The following IQGAP3 variants were observed in gnomAD, a reference collection of about 807,000 sequenced individuals.
IQGAP3 encodes ras GTPase-activating-like protein IQGAP3.
Under a neutral mutation model 208.2 loss-of-function variants are expected in IQGAP3, and 165 were observed. The ratio of observed to expected loss-of-function variants is 0.79; its 90% confidence interval spans 0.70 to 0.90. IQGAP3 has a LOEUF of 0.90. Among genes scored for constraint, IQGAP3 ranks in the 40% least tolerant of loss-of-function variants. The pLI is 0.00. For synonymous variants in IQGAP3, 703 were observed against 803.6 expected, an observed-to-expected ratio of 0.87 and a Z score of 2.12; for missense variants, 1,811 against 2,043.1, an observed-to-expected ratio of 0.89 and a Z score of 2.19.
At chr1:156,562,983 T>C (rs1676227821) in intron 8 of IQGAP3, 151 bp downstream of exon 8, 1 of 731,642 alleles carries the variant, frequency 1.4e-6, no homozygotes, top group Non-Finnish European at 2.3e-6. Flanking sequence ...TCCAAGTTCC[T>C]TTCCTATTTC....
At chr1:156,555,998 C>T (rs948139149) in intron 12 of IQGAP3, among the ~76,000 whole-genome samples, 2 of 152,184 alleles carry the variant, frequency 1.3e-5, no homozygotes, top group East Asian at 1.9e-4. Flanking sequence ...GAAGACTTCC[C>T]GGCTCTGCTT....
chr1:156,548,742 A>G lies in IQGAP3; in HGVS notation c.1832T>C (p.Leu611Pro). The change falls in exon 17 of 38, where the codon CTT becomes CCT. Residue 611 changes from leucine (L) to proline (P), a missense_variant. Physicochemically the swap from Leu to Pro is moderately conservative, Grantham distance 98. Coordinates refer to ENST00000361170, the MANE Select transcript of IQGAP3 (RefSeq NM_178229.5). ...GGCTTGATTGATGGCAGCCACACCA[A>G]GAGCCACTGACAGGGGCATCAGGAG... Reference protein sequence around the residue: ...QDTNTAQRMALGVAAINQAIK... With the variant: ...QDTNTAQRMAPGVAAINQAIK... The G allele has an allele frequency of 6.4e-7, 1 of 1,570,640 alleles. No homozygotes were observed.
At chr1:156,532,201 A>G (rs1674442086) in intron 32 of IQGAP3, among the ~76,000 whole-genome samples, 1 of 151,932 alleles carries the variant, frequency 6.6e-6, no homozygotes, top group African/African-American at 2.4e-5. Flanking sequence ...AGGCTGGCCA[A>G]CATGGTGAAA....
At position 156,537,258 on chromosome 1, in the gene IQGAP3, C is replaced by T. The variant is rs764444179; in HGVS notation, c.3345G>A (p.Leu1115=). 6.2e-7 allele frequency: 1 copy of T among 1,614,020 alleles called. No individual in the cohort carries two copies. Among genetic ancestry groups the T allele is most frequent in the Non-Finnish European group, 8.5e-7 (1 of 1,179,968 alleles). The change falls in exon 27 of 38, where the codon CTG becomes CTA. Residue 1115 remains leucine, a synonymous_variant. Coordinates refer to ENST00000361170, the MANE Select transcript of IQGAP3 (RefSeq NM_178229.5). ...CGAGGAGGTTGCGTAGGGCGATGTCCAGTCGTCTCTGGACCTCGGGGTGGC... is the reference window on the plus strand; with the variant it reads ...CGAGGAGGTTGCGTAGGGCGATGTCTAGTCGTCTCTGGACCTCGGGGTGGC... ...ALSHPEVQRR[L]DIALRNLLAM... is the part of the protein sequence containing the mutation.
Position 156,526,475 on chromosome 1 carries a change from C to T in IQGAP3, c.*11G>A, listed in dbSNP as rs1674064116. On this transcript the variant is annotated 3_prime_UTR_variant, in exon 38 of 38. Transcript: ENST00000361170. ...AGGTAAGAGGGGCTTGGGTAGCACC[C>T]TTTGCCTCTGTCACTTCCGCAAAAA... 3.2e-6 allele frequency: 5 copies of T among 1,564,216 alleles called. No individual in the cohort carries two copies. The South Asian group carries it at 5.6e-5, about 17-fold the overall frequency.
intron 22 of IQGAP3, 148 bp downstream of exon 22, chr1:156,543,833 A>T: frequency 1.4e-6 from 1 of 707,576 alleles, no homozygotes; most frequent in Non-Finnish European, 2.5e-6. Context: ...GGCTTTTGTT[A>T]CAACTCCTGT....
intron 30 of IQGAP3, 60 bp downstream of exon 30, chr1:156,533,949 A>G (rs1674548695): frequency 6.2e-7 from 1 of 1,608,448 alleles, no homozygotes; most frequent in Non-Finnish European, 8.5e-7. Context: ...CCACTACCCC[A>G]TCACAGGCTA....
Position 156,561,918 on chromosome 1 carries a change from G to C in IQGAP3, c.961C>G (p.Leu321Val). Residue 321 changes from leucine to valine, a missense_variant, in exon 10 of 38, where the codon CTG (leucine) becomes GTG (valine). Coordinates refer to ENST00000361170, the MANE Select transcript of IQGAP3 (RefSeq NM_178229.5). ...ALLKALQDPA[L>V]ALRGVRRDFA... Reference sequence around the variant, plus strand: ...TCTCTCCTCACCCCTCGCAGGGCCAGGGCAGGGTCTTGAAGGGCCTTGAGC... The same window carrying C: ...TCTCTCCTCACCCCTCGCAGGGCCACGGCAGGGTCTTGAAGGGCCTTGAGC... The C allele has an allele frequency of 6.2e-7, 1 of 1,614,066 alleles. No homozygotes were observed. The highest frequency in any genetic ancestry group is 8.5e-7 in the Non-Finnish European group (1 of 1,179,990).
At chr1:156,532,847 C>G (rs1185966357) in intron 32 of IQGAP3, 133 bp downstream of exon 32, 3 of 888,904 alleles carry the variant, frequency 3.4e-6, no homozygotes, top group Non-Finnish European at 5.1e-6. Flanking sequence ...TAAAGGTAGG[C>G]TTCAGGGAGA....
At chr1:156,536,191 C>T (rs1439752097) in intron 27 of IQGAP3, among the ~76,000 whole-genome samples, 1 of 152,076 alleles carries the variant, frequency 6.6e-6, no homozygotes, top group Non-Finnish European at 1.5e-5. Flanking sequence ...TGGGTTCCCC[C>T]TTTCAACATC....
chr1:156,570,390 A>G (rs1676596374), intron 1 of IQGAP3, among the ~76,000 whole-genome samples: 1 of 151,976 alleles, frequency 6.6e-6, no homozygotes, highest in Non-Finnish European at 1.5e-5. Flanking sequence ...AAAATACACA[A>G]ATTAGCCTGG....
At chr1:156,570,081 T>A (rs1676580467) in intron 1 of IQGAP3, among the ~76,000 whole-genome samples, 1 of 152,204 alleles carries the variant, frequency 6.6e-6, no homozygotes, top group Non-Finnish European at 1.5e-5. Context: ...TTCTTATCCC[T>A]AATTAGACTG....
intron 37 of IQGAP3, among the ~76,000 whole-genome samples, chr1:156,527,047 G>C (rs1432032737): frequency 4.0e-5 from 6 of 151,114 alleles, no homozygotes; most frequent in Non-Finnish European, 8.9e-5. Flanking sequence ...TGGCCAGGCT[G>C]GTCTTGAACT....
At chr1:156,540,155 A>T (rs1478571892) in intron 23 of IQGAP3, among the ~76,000 whole-genome samples, 165 bp from the exon 24 acceptor site, 1 of 152,042 alleles carries the variant, frequency 6.6e-6, no homozygotes, top group Non-Finnish European at 1.5e-5. Context: ...GGGCCCCTCC[A>T]AGTGCCCTGA....
At chr1:156,552,630 ACTC>A (rs1365830509) in intron 13 of IQGAP3, among the ~76,000 whole-genome samples, 1 of 151,918 alleles carries the variant, frequency 6.6e-6, no homozygotes, top group Non-Finnish European at 1.5e-5. Context: ...CCAAAATCTG[ACTC>A]CTTTTTCCCA....
rs1293959879 is a variant in IQGAP3 at position 156,551,956 on chromosome 1, G to C, written c.1570+18C>G. 1.1e-5 allele frequency: 18 copies of C among 1,611,564 alleles called. No homozygotes were observed. Among genetic ancestry groups the C allele is most frequent in the Non-Finnish European group, 1.3e-5 (15 of 1,178,468 alleles). On this transcript the variant is annotated intron_variant, in intron 14 of 37. Transcript: ENST00000361170. ...GCCTAAGTTGGGCCATCTCCACCCA[G>C]CTCCAGACTATACTTACGGTCAGTC...
intron 12 of IQGAP3, 64 bp from the exon 13 acceptor site, chr1:156,554,456 A>T: frequency 6.9e-7 from 1 of 1,457,796 alleles, no homozygotes; most frequent in Non-Finnish European, 9.2e-7. Context: ...CCTATTCACC[A>T]TCCTGCCCCC....
At chr1:156,564,241 G>T (rs1318025987) in intron 5 of IQGAP3, among the ~76,000 whole-genome samples, 2 of 152,144 alleles carry the variant, frequency 1.3e-5, no homozygotes, top group Non-Finnish European at 2.9e-5. Context: ...TAGCCAACTG[G>T]TTGCTGATGG....
At chr1:156,533,221 C>T in intron 31 of IQGAP3, 115 bp from the exon 32 acceptor site, 1 of 1,363,754 alleles carries the variant, frequency 7.3e-7, no homozygotes, top group South Asian at 1.3e-5. Context: ...GCTCCACATG[C>T]CCCTCTTCCA....
Sources: allele counts gnomAD v4.1 joint callset (sites outside exome capture counted in the v4.1 genomes callset), GRCh38; gene constraint gnomAD v4.1.1; transcripts MANE v1.5; gene names NCBI Gene and HGNC (gene_info 2026-07-23, HGNC 2026-07-21).